SIPA1L3: variants seen among roughly 807,000 people sequenced by gnomAD.
SIPA1L3 encodes signal induced proliferation associated 1 like 3.
SIPA1L3 carries 59 observed loss-of-function variants against 150.1 expected under a neutral mutation model. The ratio of observed to expected loss-of-function variants is 0.39; its 90% confidence interval spans 0.32 to 0.49. The LOEUF (loss-of-function observed/expected upper bound fraction) is 0.49. Among genes scored for constraint, SIPA1L3 ranks in the 20% least tolerant of loss-of-function variants. SIPA1L3 has a pLI of 0.86. For synonymous variants in SIPA1L3, 1,070 were observed against 1,077.6 expected (o/e 0.99, Z 0.14); for missense variants, 2,211 against 2,489.5 (o/e 0.89, Z 2.38).
intron 1 of SIPA1L3, among the ~76,000 whole-genome samples, chr19:37,927,654 GGTGTGTGTGTGT>G (rs57987208): frequency 0.011 from 1,535 of 136,822 alleles, 14 homozygotes; most frequent in Non-Finnish European, 0.014. Context: ...AAGAACATGG[GGTGTGTGTGTGT>G]GTGTGTGTGT....
At chr19:38,077,661 CTTTTTTTTTTTTTTTTT>C (rs58788182) in intron 2 of SIPA1L3, among the ~76,000 whole-genome samples, 13 of 64,324 alleles carry the variant, frequency 2.0e-4, no homozygotes, top group African/African-American at 7.1e-4. Context: ...TTTTCTTTTT[CTTTTTTTTTTTTTTTTT>C]TTTTTTTTTT....
intron 2 of SIPA1L3, among the ~76,000 whole-genome samples, chr19:38,064,375 G>C (rs1487129807): frequency 6.6e-6 from 1 of 152,230 alleles, no homozygotes; most frequent in Non-Finnish European, 1.5e-5. Flanking sequence ...TGGTTTGCTT[G>C]AGATTTTTTA....
At position 38,192,280 on chromosome 19, in the gene SIPA1L3, C is replaced by T. The variant is rs558375742; in HGVS notation, c.4566C>T (p.Asn1522=). The part of the protein sequence containing the change: ...DDLKKLIIMD[N]LGPEQERDTG... ...TGAAGAAACTCATCATCATGGACAA[C>T]CTGGGGCCAGAGCAGGAGAGAGACA... The change falls in exon 17 of 22, where the codon AAC becomes AAT. Residue 1522 remains asparagine, a synonymous_variant. Transcript: ENST00000222345. 3.7e-6 allele frequency: 6 copies of T among 1,612,226 alleles called. No homozygotes were observed. The Admixed American group carries it at 8.4e-5, about 23-fold the overall frequency.
intron 19 of SIPA1L3, among the ~76,000 whole-genome samples, chr19:38,201,651 G>C (rs1057258084): frequency 6.6e-6 from 1 of 152,192 alleles, no homozygotes; most frequent in East Asian, 1.9e-4. Context: ...CGAAAGCCTC[G>C]ATCGGAATCA....
chr19:37,911,413 CT>C (rs770565589), intron 1 of SIPA1L3, among the ~76,000 whole-genome samples: 14 of 152,076 alleles, frequency 9.2e-5, no homozygotes, highest in Non-Finnish European at 1.6e-4. Context: ...CTGGCTTATC[CT>C]TTTCAACAGC....
At chr19:38,000,061 T>C (rs1967745473) in intron 1 of SIPA1L3, among the ~76,000 whole-genome samples, 1 of 152,232 alleles carries the variant, frequency 6.6e-6, no homozygotes, top group Non-Finnish European at 1.5e-5. Flanking sequence ...TTAAATTAGA[T>C]ACTGTTTTTT....
intron 18 of SIPA1L3, among the ~76,000 whole-genome samples, chr19:38,196,099 G>A (rs1185471172): frequency 6.6e-6 from 1 of 152,116 alleles, no homozygotes; most frequent in East Asian, 1.9e-4. Context: ...CATTTCTTGT[G>A]TGCCTGCTCC....
chr19:37,948,475 GAAA>G (rs879547679), intron 1 of SIPA1L3, among the ~76,000 whole-genome samples: 1 of 130,908 alleles, frequency 7.6e-6, no homozygotes, highest in African/African-American at 2.8e-5. Context: ...TTAAAAAAAA[GAAA>G]AAAAAAAAAA....
intron 2 of SIPA1L3, among the ~76,000 whole-genome samples, chr19:38,030,603 TTA>T (rs58410246): frequency 3.6e-5 from 5 of 138,434 alleles, no homozygotes; most frequent in Admixed American, 2.8e-4. Context: ...TACACATATT[TTA>T]TATATATATA....
chr19:38,154,795 T>G (rs1277340224), intron 13 of SIPA1L3, among the ~76,000 whole-genome samples: 4 of 146,126 alleles, frequency 2.7e-5, no homozygotes. Context: ...AGAGTCTTAC[T>G]CTGTTGCCCA....
At chr19:38,114,989 C>T (rs367817295) in intron 8 of SIPA1L3, among the ~76,000 whole-genome samples, 156 of 152,348 alleles carry the variant, frequency 1.0e-3, no homozygotes, top group African/African-American at 3.7e-3. Flanking sequence ...CTGTTGGGAA[C>T]CCAGCGAGAA....
chr19:37,978,715 C>A (rs1599861706), intron 1 of SIPA1L3, among the ~76,000 whole-genome samples: 1 of 152,244 alleles, frequency 6.6e-6, no homozygotes, highest in South Asian at 2.1e-4. Context: ...TGGCTCACAC[C>A]TATAATCCCA....
intron 15 of SIPA1L3, among the ~76,000 whole-genome samples, chr19:38,178,838 T>A (rs1972500842): frequency 6.6e-6 from 1 of 152,128 alleles, no homozygotes; most frequent in Non-Finnish European, 1.5e-5. Flanking sequence ...TCTTGTCTCC[T>A]GGGGAAAGCA....
At chr19:37,909,362 C>T (rs952350550) in intron 1 of SIPA1L3, among the ~76,000 whole-genome samples, 1 of 152,010 alleles carries the variant, frequency 6.6e-6, no homozygotes, top group African/African-American at 2.4e-5. Flanking sequence ...TGCCCGCCAC[C>T]ACACGTGGTT....
chr19:38,162,332 G>C lies in SIPA1L3; in HGVS notation c.3741G>C (p.Gln1247His). ...GCGGGAACAAGCACCCGTCCAGGCA[G>C]GATGCAGCAGGCAAAGATTCCCCCA... ...GSSGNKHPSRQDAAGKDSPNR... is the reference protein window; with the variant it reads ...GSSGNKHPSRHDAAGKDSPNR... Residue 1247 changes from glutamine (Q) to histidine (H), a missense_variant, in exon 14 of 22, where the codon CAG becomes CAC. Around this residue, in one of 5 missense-constraint regions of SIPA1L3, gnomAD observed 806 missense variants for 870.1 expected, o/e 0.93. Transcript: ENST00000222345. 6.2e-7 allele frequency: 1 copy of C among 1,614,218 alleles called. No homozygotes were observed. The highest frequency in any genetic ancestry group is 8.5e-7 in the Non-Finnish European group (1 of 1,180,024).
intron 4 of SIPA1L3, among the ~76,000 whole-genome samples, chr19:38,095,259 C>T (rs542586360): frequency 6.6e-6 from 1 of 152,164 alleles, no homozygotes; most frequent in South Asian, 2.1e-4. Flanking sequence ...CCTTTCATTG[C>T]CTTGAGGCAG....
At chr19:38,112,205 G>A (rs552841488) in intron 8 of SIPA1L3, among the ~76,000 whole-genome samples, 42 of 148,176 alleles carry the variant, frequency 2.8e-4, no homozygotes, top group Admixed American at 4.7e-4. Flanking sequence ...ACACAGGCAC[G>A]CATAAACACA....
chr19:38,192,336 C>T, intron 17 of SIPA1L3, 26 bp downstream of exon 17: 2 of 1,559,002 alleles, frequency 1.3e-6, no homozygotes, highest in African/African-American at 2.8e-5. Flanking sequence ...TCCCCCGCTC[C>T]CGACCCCCAG....
At chr19:38,115,088 G>T (rs1970853979) in intron 8 of SIPA1L3, among the ~76,000 whole-genome samples, 1 of 152,222 alleles carries the variant, frequency 6.6e-6, no homozygotes, top group Non-Finnish European at 1.5e-5. Flanking sequence ...GGAAGATGCT[G>T]CATCCAGGGA....
Sources: allele counts gnomAD v4.1 joint callset (sites outside exome capture counted in the v4.1 genomes callset), GRCh38; gene constraint gnomAD v4.1.1; regional missense constraint gnomAD v4.1.1; transcripts MANE v1.5; gene names NCBI Gene and HGNC (gene_info 2026-07-23, HGNC 2026-07-21).